EYS: variants seen among roughly 807,000 people sequenced by gnomAD.
The protein encoded by EYS is EGF-like photoreceptor maintenance factor.
EYS carries 250 observed loss-of-function variants against 282.1 expected under a neutral mutation model. That is an observed-to-expected ratio of 0.89 (90% CI 0.80 to 0.98). The LOEUF is 0.98. EYS is among the 50% of genes least tolerant of loss of function. EYS has a pLI of 0.00. For missense variants in EYS, 4,016 were observed against 3,709.0 expected (o/e 1.08, Z -2.15); for synonymous variants, 1,355 against 1,282.9 (o/e 1.06, Z -1.20).
At chr6:65,206,406 T>C (rs149417295) in intron 12 of EYS, among the ~76,000 whole-genome samples, 210 of 151,426 alleles carry the variant, frequency 1.4e-3, no homozygotes, top group Middle Eastern at 0.01. Flanking sequence ...AAAAAAATTA[T>C]AAAAATAAGC....
chr6:65,415,821 A>G (rs1385219849), intron 5 of EYS, among the ~76,000 whole-genome samples: 1 of 152,060 alleles, frequency 6.6e-6, no homozygotes, highest in Non-Finnish European at 1.5e-5. Context: ...TATTGAGAGA[A>G]AAAAATGCAC....
At chr6:65,581,292 A>C (rs1416811511) in intron 2 of EYS, among the ~76,000 whole-genome samples, 1 of 152,104 alleles carries the variant, frequency 6.6e-6, no homozygotes. Context: ...TATGATTTAT[A>C]AAGTGATATG....
chr6:64,585,096 T>C (rs776946172), intron 26 of EYS, among the ~76,000 whole-genome samples: 6 of 152,044 alleles, frequency 3.9e-5, no homozygotes, highest in Non-Finnish European at 8.8e-5. Flanking sequence ...TGATGGACTG[T>C]ATAAAAGGTG....
At chr6:65,133,300 CA>C (rs1184725108) in intron 12 of EYS, among the ~76,000 whole-genome samples, 1 of 151,670 alleles carries the variant, frequency 6.6e-6, no homozygotes, top group Non-Finnish European at 1.5e-5. Context: ...CAAACAACAA[CA>C]ACAAAAAACA....
intron 31 of EYS, among the ~76,000 whole-genome samples, chr6:64,222,183 T>G (rs1014372970): frequency 6.6e-6 from 1 of 152,128 alleles, no homozygotes; most frequent in Non-Finnish European, 1.5e-5. Context: ...ATTGATTTAA[T>G]ATTCCCAGGA....
chr6:65,035,042 G>A (rs1212613946), intron 13 of EYS, among the ~76,000 whole-genome samples: 1 of 152,108 alleles, frequency 6.6e-6, no homozygotes, highest in Non-Finnish European at 1.5e-5. Context: ...TTCCTGGGAT[G>A]CATGGTTTGT....
At chr6:63,834,179 G>T (rs1771732038) in intron 36 of EYS, among the ~76,000 whole-genome samples, 1 of 152,100 alleles carries the variant, frequency 6.6e-6, no homozygotes, top group Non-Finnish European at 1.5e-5. Flanking sequence ...AACACCAAAA[G>T]CAATGGCAAC....
At chr6:64,579,325 AG>A (rs2149823077) in intron 26 of EYS, among the ~76,000 whole-genome samples, 1 of 152,276 alleles carries the variant, frequency 6.6e-6, no homozygotes, top group African/African-American at 2.4e-5. Context: ...GTATATTGGA[AG>A]GAAAAATCCA....
intron 23 of EYS, among the ~76,000 whole-genome samples, chr6:64,623,778 C>T (rs1412118749): frequency 6.6e-6 from 1 of 152,034 alleles, no homozygotes; most frequent in Non-Finnish European, 1.5e-5. Context: ...GGTGGTTACA[C>T]AACTTTATGC....
chr6:64,435,290 T>G (rs752631974), intron 28 of EYS, among the ~76,000 whole-genome samples: 1 of 151,982 alleles, frequency 6.6e-6, no homozygotes, highest in Non-Finnish European at 1.5e-5. Context: ...ATTTATTTGA[T>G]GATACATTAT....
intron 15 of EYS, among the ~76,000 whole-genome samples, chr6:64,930,464 A>T (rs1422777462): frequency 1.9e-5 from 1 of 51,320 alleles, no homozygotes; most frequent in Non-Finnish European, 4.4e-5. Context: ...AATAAGGTAA[A>T]AAAAAAAAAA....
At chr6:64,090,338 T>A (rs899652630) in intron 31 of EYS, among the ~76,000 whole-genome samples, 1 of 152,182 alleles carries the variant, frequency 6.6e-6, no homozygotes, top group Non-Finnish European at 1.5e-5. Context: ...TGACTTAACA[T>A]ATTCATCTGT....
rs758933601 is a variant in EYS, at chr6:65,066,834, A to ATAC, written c.2024-9110_2024-9108dup. On this transcript the variant is annotated intron_variant, in intron 12 of 42. Transcript: ENST00000503581. The stretch of plus-strand genomic sequence containing the variant: ...ATTGCATTGTGAAGATACTAATGAT[A>ATAC]TACTGTGCATGCAATAATTGGGAAA... Among the ~76,000 whole-genome samples, 6 of 152,306 alleles carry ATAC rather than the reference A, an allele frequency of 3.9e-5. No individual in the cohort carries two copies. In the South Asian group the frequency reaches 1.0e-3, roughly 26 times the overall value.
In EYS at chr6:65,542,473, ATGTGTGTG is replaced by A. The variant is rs35318949; in HGVS notation, c.-332-46488_-332-46481del. 4.9e-3 allele frequency among the ~76,000 whole-genome samples: 717 copies of A among 146,518 alleles called. 7 individuals carry two copies. Among genetic ancestry groups the A allele is most frequent in the Middle Eastern group, 0.025 (7 of 284 alleles). On this transcript the variant is annotated intron_variant, in intron 2 of 42. Transcript: ENST00000503581. ...AACTGTGGCTATGGATAACAATAGA[ATGTGTGTG>A]TGTGTGTGTGTGTGTGTGTGTGTGT...
chr6:64,638,865 C>A (rs1166420818), intron 22 of EYS, among the ~76,000 whole-genome samples: 1 of 91,128 alleles, frequency 1.1e-5, no homozygotes, highest in East Asian at 2.4e-4. Flanking sequence ...CTCATTTTGT[C>A]TTTAACCACT....
chr6:63,755,512 A>G (rs181658987), intron 41 of EYS, among the ~76,000 whole-genome samples: 2 of 152,294 alleles, frequency 1.3e-5, no homozygotes, highest in East Asian at 3.9e-4. Context: ...TACCAGTACC[A>G]TGCTGTTTTG....
intron 35 of EYS, among the ~76,000 whole-genome samples, chr6:63,917,262 T>C (rs978245868): frequency 1.3e-5 from 2 of 152,208 alleles, no homozygotes; most frequent in African/African-American, 4.8e-5. Flanking sequence ...TGGCTAAGCA[T>C]AGAAATACTG....
intron 36 of EYS, among the ~76,000 whole-genome samples, chr6:63,842,283 CTT>C (rs1161503456): frequency 6.6e-6 from 1 of 152,110 alleles, no homozygotes; most frequent in Admixed American, 6.5e-5. Context: ...TGTTTCCTGA[CTT>C]TTTAATGATT....
intron 22 of EYS, among the ~76,000 whole-genome samples, chr6:64,731,386 A>C (rs529020691): frequency 6.6e-6 from 1 of 152,348 alleles, no homozygotes; most frequent in Non-Finnish European, 1.5e-5. Flanking sequence ...CGGGCAGCCT[A>C]CAGAATGGGA....
Sources: gnomAD v4.1 joint callset for allele counts (sites outside exome capture counted in the v4.1 genomes callset) on GRCh38, gnomAD v4.1.1 for gene constraint, MANE v1.5 for transcripts, NCBI Gene and HGNC (gene_info 2026-07-23, HGNC 2026-07-21) for gene names.